STK31: variants seen among roughly 807,000 people sequenced by gnomAD.
STK31 encodes the protein serine/threonine-protein kinase 31.
STK31 carries 89 observed loss-of-function variants against 129.7 expected under a neutral mutation model. The ratio of observed to expected loss-of-function variants is 0.69; its 90% CI spans 0.58 to 0.82. The LOEUF is 0.82. Ranked by LOEUF, STK31 falls within the 40% of genes least tolerant of loss-of-function variation. The probability of loss-of-function intolerance (pLI) is 0.00; values close to 1 mark genes in which losing one functional copy is unlikely to be tolerated. For missense variants in STK31, 1,187 were observed against 1,176.4 expected (o/e 1.01, Z -0.13); for synonymous variants, 448 against 395.3 (o/e 1.13, Z -1.58).
Position 23,754,367 on chromosome 7 carries a change from G to T in STK31, c.1186G>T (p.Val396Leu). 1 of 1,614,046 alleles carries T rather than the reference G, an allele frequency of 6.2e-7. No individual in the cohort carries two copies. The highest frequency in any genetic ancestry group is 8.5e-7 in the Non-Finnish European group (1 of 1,179,978). ...FGKDLSDAIQ[V>L]LDEGCFTTPA... Reference sequence around the variant, plus strand: ...AAAAGACCTTTCAGATGCTATACAAGTGTTGGATGAAGGGTGCTTTACTAC... The same window carrying T: ...AAAAGACCTTTCAGATGCTATACAATTGTTGGATGAAGGGTGCTTTACTAC... The change falls in exon 10 of 24, where the codon GTG (valine) becomes TTG (leucine). Residue 396 changes from valine to leucine, a missense_variant. Physicochemically the swap from Val to Leu is conservative, Grantham distance 32. Around this residue, in one of 5 missense-constraint regions of STK31, gnomAD observed 975 missense variants for 934.9 expected, o/e 1.04. Transcript: ENST00000355870.
In STK31 at chr7:23,710,220, C is replaced by A. The variant is rs375072309; in HGVS notation, c.-66C>A. 64 of 1,610,360 alleles carry A rather than the reference C, an allele frequency of 4.0e-5. No individual in the cohort carries two copies. The highest frequency in any genetic ancestry group is 5.3e-5 in the Non-Finnish European group (62 of 1,179,292). On this transcript the variant is annotated 5_prime_UTR_variant, in exon 1 of 24. Transcript: ENST00000355870. The stretch of plus-strand genomic sequence containing the variant: ...ACGCAGGCGCAGTGTGGGGCCCTTG[C>A]GGTCGAAGCTCACGCGGTAAGCCGC...
Position 23,737,046 on chromosome 7 carries a change from T to A in STK31, c.985T>A (p.Leu329Met), listed in dbSNP as rs754709368. 3 of 1,610,524 alleles carry A rather than the reference T, an allele frequency of 1.9e-6. No individual in the cohort carries two copies. In the East Asian group the frequency reaches 6.7e-5, roughly 36 times the overall value. Residue 329 changes from leucine to methionine, a missense_variant, in exon 8 of 24, where the codon TTG becomes ATG. Physicochemically the swap from Leu to Met is conservative, Grantham distance 15 (BLOSUM62 2). Around this residue, in one of 5 missense-constraint regions of STK31, gnomAD observed 975 missense variants for 934.9 expected, o/e 1.04. Coordinates refer to ENST00000355870, the MANE Select transcript of STK31 (RefSeq NM_031414.5). ...TCTTGAAAGTTATAAGGCGTTAGAA[T>A]TGAAAGTAGAGCAGATTGCCCAGGA... ...ALLESYKALE[L>M]KVEQIAQELQ...
At chr7:23,766,910 A>G (rs12700464) in intron 11 of STK31, among the ~76,000 whole-genome samples, 63,831 of 152,030 alleles carry the variant, frequency 0.42, 13,731 homozygotes, top group Admixed American at 0.52. Context: ...ATAAATAAAT[A>G]CAATCTTTTT....
At chr7:23,762,718 T>A in intron 10 of STK31, 83 bp from the exon 11 acceptor site, 1 of 1,498,480 alleles carries the variant, frequency 6.7e-7, no homozygotes, top group Non-Finnish European at 9.0e-7. Flanking sequence ...AAGTTAATTT[T>A]GGAGATCACT....
rs150975415 is a variant in STK31, at chr7:23,783,117, A to G, written c.2068-466A>G. ...GTGGTCAGAACAAATTAATAGACGAAAAAAGGAAAGTGGCTTTCAGAAATT... is the reference window on the plus strand; with the variant it reads ...GTGGTCAGAACAAATTAATAGACGAGAAAAGGAAAGTGGCTTTCAGAAATT... On this transcript the variant is annotated intron_variant, in intron 16 of 23. Transcript: ENST00000355870. Among the ~76,000 whole-genome samples the G allele has an allele frequency of 4.2e-3, 640 of 152,314 alleles. 10 individuals carry two copies. Among genetic ancestry groups the G allele is most frequent in the African/African-American group, 0.014 (585 of 41,568 alleles).
At chr7:23,727,034 G>A (rs1787130256) in intron 4 of STK31, among the ~76,000 whole-genome samples, 1 of 152,176 alleles carries the variant, frequency 6.6e-6, no homozygotes, top group East Asian at 1.9e-4. Flanking sequence ...TCAGAAGTTT[G>A]AATCTTGGTT....
chr7:23,790,826 T>G lies in STK31; in HGVS notation c.2640T>G (p.Ser880Arg). The G allele has an allele frequency of 6.3e-7, 1 of 1,586,372 alleles. No individual in the cohort carries two copies. Among genetic ancestry groups the G allele is most frequent in the African/African-American group, 1.4e-5 (1 of 73,702 alleles). ...VGDFDFTKSV[S>R]QRASVNMMVG... ...TATGTAAAATATTGTTTTTGCAGAGTCAGCGAGCCTCGGTGAACATGATGG... is the reference window on the plus strand; with the variant it reads ...TATGTAAAATATTGTTTTTGCAGAGGCAGCGAGCCTCGGTGAACATGATGG... Residue 880 changes from serine (S) to arginine (R), a missense_variant and splice_region_variant, in exon 22 of 24, where the codon AGT becomes AGG. Ser to Arg is a moderately radical substitution (Grantham distance 110). Around this residue, in one of 5 missense-constraint regions of STK31, gnomAD observed 975 missense variants for 934.9 expected, o/e 1.04. Transcript: ENST00000355870.
chr7:23,772,084 T>C (rs1790231720), intron 14 of STK31, 63 bp from the exon 15 acceptor site: 1 of 1,206,668 alleles, frequency 8.3e-7, no homozygotes, highest in South Asian at 1.7e-5. Flanking sequence ...AAATAATAAA[T>C]GATCACTGTT....
chr7:23,737,860 A>AGTGT (rs67303802), intron 8 of STK31, among the ~76,000 whole-genome samples: 263 of 149,264 alleles, frequency 1.8e-3, no homozygotes, highest in African/African-American at 6.0e-3. Context: ...GTGGTTGATA[A>AGTGT]GTGTGTGTGT....
At chr7:23,738,207 A>T (rs1253306916) in intron 8 of STK31, among the ~76,000 whole-genome samples, 2 of 152,128 alleles carry the variant, frequency 1.3e-5, no homozygotes, top group East Asian at 3.9e-4. Flanking sequence ...CAGTTTTATT[A>T]TTAAGGATAT....
At chr7:23,805,068 T>C (rs1436014090) in intron 22 of STK31, among the ~76,000 whole-genome samples, 1 of 147,092 alleles carries the variant, frequency 6.8e-6, no homozygotes, top group African/African-American at 2.7e-5. Flanking sequence ...TTCTTTCTCA[T>C]TTCTCTCTCT....
chr7:23,769,260 A>G, intron 12 of STK31, 86 bp downstream of exon 12: 1 of 1,248,176 alleles, frequency 8.0e-7, no homozygotes, highest in South Asian at 2.3e-5. Context: ...TCAAGAGCTG[A>G]CATCATCTAC....
chr7:23,754,811 G>A (rs186451817), intron 10 of STK31, among the ~76,000 whole-genome samples: 125 of 152,208 alleles, frequency 8.2e-4, no homozygotes, highest in Admixed American at 9.2e-4. Context: ...CATCCATGTC[G>A]TTGCAAAGGA....
intron 23 of STK31, among the ~76,000 whole-genome samples, chr7:23,829,587 T>G (rs1794419663): frequency 6.6e-6 from 1 of 152,192 alleles, no homozygotes; most frequent in South Asian, 2.1e-4. Context: ...TCTATAGTTT[T>G]TTGTTGTTGT....
chr7:23,801,344 T>C (rs1792357205), intron 22 of STK31, among the ~76,000 whole-genome samples: 1 of 152,188 alleles, frequency 6.6e-6, no homozygotes, highest in South Asian at 2.1e-4. Context: ...GCTTTCTGTA[T>C]TTTCTTTGGT....
chr7:23,756,152 T>A (rs1022382223), intron 10 of STK31, among the ~76,000 whole-genome samples: 2 of 152,214 alleles, frequency 1.3e-5, no homozygotes, highest in African/African-American at 4.8e-5. Flanking sequence ...TCCATTTGTT[T>A]GTGTCCTCTC....
chr7:23,821,906 G>A (rs1793805150), intron 23 of STK31, among the ~76,000 whole-genome samples: 1 of 152,060 alleles, frequency 6.6e-6, no homozygotes, highest in Non-Finnish European at 1.5e-5. Flanking sequence ...TTATTGAAGT[G>A]GGTGTCTTTT....
At chr7:23,798,957 CAA>C (rs985807632) in intron 22 of STK31, among the ~76,000 whole-genome samples, 5 of 152,106 alleles carry the variant, frequency 3.3e-5, no homozygotes, top group African/African-American at 4.8e-5. Context: ...CCGTAACAGA[CAA>C]AGAGCCAAAT....
At chr7:23,819,883 T>TGATAATGATAGC (rs1190841266) in intron 23 of STK31, among the ~76,000 whole-genome samples, 2 of 152,074 alleles carry the variant, frequency 1.3e-5, no homozygotes. Flanking sequence ...ATAATGATGG[T>TGATAATGATAGC]GATAATGATA....
Sources: allele counts gnomAD v4.1 joint callset (sites outside exome capture counted in the v4.1 genomes callset), GRCh38; gene constraint gnomAD v4.1.1; regional missense constraint gnomAD v4.1.1; transcripts MANE v1.5; gene names NCBI Gene and HGNC (gene_info 2026-07-23, HGNC 2026-07-21).